Variants in VAMP4 observed in about 807,000 individuals in gnomAD.
The protein encoded by VAMP4 is vesicle associated membrane protein 4.
A neutral mutation model predicts 23.5 loss-of-function variants in VAMP4; 19 were observed. That is an observed-to-expected ratio of 0.81 (90% CI 0.56 to 1.19). VAMP4 has a LOEUF of 1.19. VAMP4 is among the 50% of genes most tolerant of loss of function. The probability of loss-of-function intolerance (pLI) is 0.00; values close to 1 mark genes in which losing one functional copy is unlikely to be tolerated. For synonymous variants in VAMP4, 31 were observed against 51.0 expected (o/e 0.61, Z 1.67); for missense variants, 145 against 168.6 (o/e 0.86, Z 0.78).
chr1:171,706,577 T>C (rs1456292718), intron 6 of VAMP4, among the ~76,000 whole-genome samples, 159 bp from the exon 7 acceptor site: 1 of 152,154 alleles, frequency 6.6e-6, no homozygotes, highest in Non-Finnish European at 1.5e-5. Flanking sequence ...AAGTTGCTTA[T>C]TACATGAGGC....
chr1:171,712,900 C>G (rs1226278370), intron 4 of VAMP4, among the ~76,000 whole-genome samples: 2 of 152,172 alleles, frequency 1.3e-5, no homozygotes, highest in Non-Finnish European at 2.9e-5. Flanking sequence ...CTGTATTAAC[C>G]TTATAGCTGT....
At position 171,738,390 on chromosome 1, in the gene VAMP4, G is replaced by A; in HGVS notation, c.25C>T (p.Leu9Phe). ...GAACCTGTGACATCATCATCATTGA[G>A]GTGGCGCTTAAACTTGGGAGGCATA... MPPKFKRH[L>F]NDDDVTGSVK... The change falls in exon 2 of 8, where the codon CTC (leucine) becomes TTC (phenylalanine). Residue 9 changes from leucine (L) to phenylalanine (F), a missense_variant. Coordinates refer to ENST00000236192, the MANE Select transcript of VAMP4 (RefSeq NM_003762.5). 6.2e-7 allele frequency: 1 copy of A among 1,614,150 alleles called. No individual in the cohort carries two copies. Among genetic ancestry groups the A allele is most frequent in the Non-Finnish European group, 8.5e-7 (1 of 1,180,036 alleles).
chr1:171,725,754 G>C (rs1408577373), intron 3 of VAMP4, among the ~76,000 whole-genome samples: 1 of 151,518 alleles, frequency 6.6e-6, no homozygotes, highest in African/African-American at 2.4e-5. Flanking sequence ...GCAGTGGCGT[G>C]ATCTTGGCTC....
At chr1:171,735,120 A>T (rs1480263069) in intron 2 of VAMP4, among the ~76,000 whole-genome samples, 1 of 152,136 alleles carries the variant, frequency 6.6e-6, no homozygotes, top group African/African-American at 2.4e-5. Flanking sequence ...TCACGCCTGG[A>T]CTTGATTTTT....
intron 2 of VAMP4, among the ~76,000 whole-genome samples, chr1:171,729,159 G>T (rs1207513729): frequency 6.6e-6 from 1 of 152,070 alleles, no homozygotes; most frequent in African/African-American, 2.4e-5. Flanking sequence ...CCCCAAAAGG[G>T]GTGGGTATAA....
intron 6 of VAMP4, among the ~76,000 whole-genome samples, chr1:171,709,325 T>C (rs114010366): frequency 2.6e-5 from 4 of 152,264 alleles, no homozygotes; most frequent in South Asian, 2.1e-4. Flanking sequence ...CATAATGCTA[T>C]AGAGGTTGCT....
chr1:171,709,263 C>G (rs1654767551), intron 6 of VAMP4, among the ~76,000 whole-genome samples: 1 of 151,528 alleles, frequency 6.6e-6, no homozygotes, highest in South Asian at 2.1e-4. Context: ...TATTTTTTAC[C>G]CTTTCAACCG....
At chr1:171,719,408 C>T (rs1443377863) in intron 3 of VAMP4, among the ~76,000 whole-genome samples, 187 bp from the exon 4 acceptor site, 2 of 152,062 alleles carry the variant, frequency 1.3e-5, no homozygotes, top group Non-Finnish European at 2.9e-5. Flanking sequence ...CATGTCTTTA[C>T]TTCATTGGCA....
chr1:171,706,347 A>G lies in VAMP4; in HGVS notation c.397+20T>C. On this transcript the variant is annotated intron_variant, in intron 7 of 7. Transcript: ENST00000236192. The stretch of plus-strand genomic sequence containing the variant: ...AAAATAAATGATACCCTAGGAAGTA[A>G]TAATCCAATAAATACTTACTGATAA... The G allele has an allele frequency of 6.3e-7, 1 of 1,596,642 alleles. No individual in the cohort carries two copies. Among genetic ancestry groups the G allele is most frequent in the Non-Finnish European group, 8.5e-7 (1 of 1,172,314 alleles).
chr1:171,721,122 C>T (rs1655180774), intron 3 of VAMP4, among the ~76,000 whole-genome samples: 1 of 152,060 alleles, frequency 6.6e-6, no homozygotes, highest in Non-Finnish European at 1.5e-5. Context: ...AAAAACTCTT[C>T]ACAAACTAGG....
chr1:171,733,652 T>C (rs1252938109), intron 2 of VAMP4, among the ~76,000 whole-genome samples: 1 of 152,172 alleles, frequency 6.6e-6, no homozygotes, highest in Non-Finnish European at 1.5e-5. Flanking sequence ...TGAGATAATA[T>C]TTCATACCCA....
chr1:171,718,932 A>G (rs138816421), intron 4 of VAMP4, among the ~76,000 whole-genome samples: 43 of 152,302 alleles, frequency 2.8e-4, no homozygotes, highest in African/African-American at 9.4e-4. Flanking sequence ...CACTCAGCAG[A>G]TATTTTAGAT....
intron 3 of VAMP4, among the ~76,000 whole-genome samples, chr1:171,725,138 T>C (rs922714943): frequency 3.3e-5 from 5 of 152,178 alleles, no homozygotes; most frequent in African/African-American, 1.2e-4. Flanking sequence ...TTCTATGAAA[T>C]TGACTACTCT....
chr1:171,714,539 A>G (rs768456845), intron 4 of VAMP4, among the ~76,000 whole-genome samples: 2 of 152,246 alleles, frequency 1.3e-5, no homozygotes, highest in Non-Finnish European at 2.9e-5. Flanking sequence ...TGGGAGGCTG[A>G]GGCAGGAGGA....
chr1:171,725,609 G>A (rs1274016962), intron 3 of VAMP4, among the ~76,000 whole-genome samples: 2 of 151,916 alleles, frequency 1.3e-5, no homozygotes, highest in Non-Finnish European at 1.5e-5. Flanking sequence ...CTGACATTCT[G>A]CCAAAAATGA....
intron 3 of VAMP4, among the ~76,000 whole-genome samples, chr1:171,725,353 C>T (rs1026405670): frequency 4.6e-5 from 7 of 152,080 alleles, no homozygotes; most frequent in Non-Finnish European, 1.0e-4. Flanking sequence ...TCTAGCTACT[C>T]TGGTAGGGGA....
chr1:171,719,815 T>C (rs1655129593), intron 3 of VAMP4, among the ~76,000 whole-genome samples: 1 of 152,052 alleles, frequency 6.6e-6, no homozygotes, highest in South Asian at 2.1e-4. Context: ...TATCTCCTTA[T>C]TGTAGTTGAG....
At chr1:171,709,526 C>G in intron 6 of VAMP4, 139 bp downstream of exon 6, 1 of 650,804 alleles carries the variant, frequency 1.5e-6, no homozygotes, top group South Asian at 2.2e-5. Flanking sequence ...CAAGTATTTA[C>G]TGAATTTCTA....
chr1:171,726,346 A>G (rs1655370954), intron 3 of VAMP4, among the ~76,000 whole-genome samples: 1 of 152,218 alleles, frequency 6.6e-6, no homozygotes, highest in African/African-American at 2.4e-5. Flanking sequence ...CACTGCACCC[A>G]GCCAAGTCAC....
Sources: allele counts gnomAD v4.1 joint callset (sites outside exome capture counted in the v4.1 genomes callset), GRCh38; gene constraint gnomAD v4.1.1; transcripts MANE v1.5; gene names NCBI Gene and HGNC (gene_info 2026-07-23, HGNC 2026-07-21).